Variants in CPVL observed in about 807,000 individuals in gnomAD.
CPVL encodes probable serine carboxypeptidase CPVL.
A neutral mutation model predicts 63.7 loss-of-function variants in CPVL; 51 were observed. The ratio of observed to expected loss-of-function variants is 0.80; its 90% confidence interval spans 0.64 to 1.01. The LOEUF is 1.01. Among genes scored for constraint, CPVL ranks in the 50% least tolerant of loss-of-function variants. The probability of loss-of-function intolerance (pLI) is 0.00; values close to 1 mark genes in which losing one functional copy is unlikely to be tolerated. For synonymous variants in CPVL, 195 were observed against 206.0 expected (o/e 0.95, Z 0.46); for missense variants, 530 against 573.1 (o/e 0.92, Z 0.77).
intron 5 of CPVL, among the ~76,000 whole-genome samples, chr7:29,170,453 AT>A (rs1796451752): frequency 6.6e-6 from 1 of 152,120 alleles, no homozygotes; most frequent in South Asian, 2.1e-4. Flanking sequence ...CACATGTTAG[AT>A]TTTCCCCCAT....
intron 12 of CPVL, among the ~76,000 whole-genome samples, chr7:29,029,524 C>T (rs1787814003): frequency 6.6e-6 from 1 of 152,062 alleles, no homozygotes; most frequent in Admixed American, 6.5e-5. Flanking sequence ...AACTGGAGGT[C>T]GTTATGTTAA....
At position 28,995,858 on chromosome 7, in the gene CPVL, TA is replaced by T; in HGVS notation, c.1344del (p.His448GlnfsTer9). 6.3e-7 allele frequency: 1 copy of T among 1,596,812 alleles called. No homozygotes were observed. Among genetic ancestry groups the T allele is most frequent in the Non-Finnish European group, 8.5e-7 (1 of 1,173,266 alleles). On this transcript the variant is annotated frameshift_variant, in exon 13 of 13. Coordinates refer to ENST00000265394, the MANE Select transcript of CPVL (RefSeq NM_031311.5). LOFTEE classifies it high-confidence loss of function. ...FHQVIIRGGG[H>X]ILPYDQPLRA... ...CTCAGAGGCTGGTCATAGGGTAAAA[TA>T]TGTCCTCCACCTCGAATAATTACCT...
At chr7:29,064,543 A>G (rs949243307) in intron 10 of CPVL, among the ~76,000 whole-genome samples, 1 of 152,166 alleles carries the variant, frequency 6.6e-6, no homozygotes, top group East Asian at 1.9e-4. Flanking sequence ...ACTAGAGGCA[A>G]AGAGAGAGAA....
intron 1 of CPVL, chr7:29,128,056 C>T (rs1790227758): frequency 6.7e-6 from 1 of 148,230 alleles, no homozygotes; most frequent in Non-Finnish European, 1.5e-5. Context: ...AAAAGATATT[C>T]TTTTTCTCCC....
At chr7:29,177,702 TCATC>T (rs993855741) in intron 5 of CPVL, among the ~76,000 whole-genome samples, 1 of 151,908 alleles carries the variant, frequency 6.6e-6, no homozygotes, top group African/African-American at 2.4e-5. Flanking sequence ...ATCTGTGCAG[TCATC>T]CATCCATCCA....
At chr7:29,122,148 G>A (rs1028396371) in intron 1 of CPVL, 3 of 152,088 alleles carry the variant, frequency 2.0e-5, no homozygotes, top group Non-Finnish European at 2.9e-5. Flanking sequence ...ACAGAAAAAC[G>A]ACTGAATGGT....
intron 3 of CPVL, chr7:29,096,461 C>A (rs992905146): frequency 3.7e-6 from 2 of 536,038 alleles, no homozygotes; most frequent in African/African-American, 1.9e-5. Flanking sequence ...CTTTTCCCAA[C>A]AAGAGACAGA....
At chr7:29,184,095 A>G (rs969987856) in intron 4 of CPVL, among the ~76,000 whole-genome samples, 1 of 151,858 alleles carries the variant, frequency 6.6e-6, no homozygotes, top group Non-Finnish European at 1.5e-5. Flanking sequence ...GGGGTTCTGG[A>G]TCCAATCTCC....
intron 11 of CPVL, among the ~76,000 whole-genome samples, chr7:29,057,334 T>C (rs181112946): frequency 2.3e-4 from 35 of 152,276 alleles, no homozygotes; most frequent in East Asian, 9.6e-4. Flanking sequence ...CATTTCTAAA[T>C]TGGGTTGTTC....
intron 9 of CPVL, among the ~76,000 whole-genome samples, chr7:29,067,520 TAAGA>T (rs1783254444): frequency 6.6e-6 from 1 of 151,806 alleles, no homozygotes; most frequent in Non-Finnish European, 1.5e-5. Flanking sequence ...ACAGACAAGC[TAAGA>T]GAGAGAACAG....
chr7:29,018,434 A>G (rs1488546335), intron 12 of CPVL, among the ~76,000 whole-genome samples: 1 of 138,808 alleles, frequency 7.2e-6, no homozygotes, highest in African/African-American at 2.8e-5. Flanking sequence ...TCTGGAGTGC[A>G]GTGGCGCGAT....
intron 5 of CPVL, among the ~76,000 whole-genome samples, chr7:29,176,971 A>G (rs1205708485): frequency 6.6e-6 from 1 of 152,196 alleles, no homozygotes; most frequent in African/African-American, 2.4e-5. Context: ...CCAAATAAAT[A>G]CAGAGAAAAT....
At chr7:29,001,627 G>A (rs1212605481) in intron 12 of CPVL, among the ~76,000 whole-genome samples, 2 of 152,218 alleles carry the variant, frequency 1.3e-5, no homozygotes, top group African/African-American at 4.8e-5. Context: ...AAGGCTGGGA[G>A]TTGCTTCAAC....
intron 5 of CPVL, among the ~76,000 whole-genome samples, chr7:29,179,047 C>A (rs542124296): frequency 6.6e-6 from 1 of 152,290 alleles, no homozygotes; most frequent in Non-Finnish European, 1.5e-5. Flanking sequence ...ATAGGGGACC[C>A]AGCATCTCTC....
intron 11 of CPVL, among the ~76,000 whole-genome samples, chr7:29,052,627 A>C (rs1421706308): frequency 6.6e-6 from 1 of 152,122 alleles, no homozygotes; most frequent in Non-Finnish European, 1.5e-5. Flanking sequence ...AAGAACTCTC[A>C]GGCTGGGCAC....
intron 5 of CPVL, among the ~76,000 whole-genome samples, chr7:29,165,177 T>G (rs143920683): frequency 1.5e-3 from 226 of 152,288 alleles, no homozygotes; most frequent in African/African-American, 5.2e-3. Context: ...AGTTTTTGAT[T>G]TATGGGCATG....
chr7:29,054,640 G>C (rs1230933138), intron 11 of CPVL, among the ~76,000 whole-genome samples: 1 of 152,112 alleles, frequency 6.6e-6, no homozygotes, highest in African/African-American at 2.4e-5. Context: ...CAGTACATGT[G>C]TCTGTGCATT....
At chr7:29,046,128 A>C (rs963018434) in intron 11 of CPVL, among the ~76,000 whole-genome samples, 1 of 144,438 alleles carries the variant, frequency 6.9e-6, no homozygotes, top group South Asian at 2.2e-4. Flanking sequence ...TCTGTCACCC[A>C]AGTTGGAGTG....
intron 5 of CPVL, among the ~76,000 whole-genome samples, chr7:29,165,103 T>A (rs1795734019): frequency 6.6e-6 from 1 of 152,174 alleles, no homozygotes. Context: ...GCCTGCTGAT[T>A]TTTTTATTGG....
Sources: gnomAD v4.1 joint callset for allele counts (sites outside exome capture counted in the v4.1 genomes callset) on GRCh38, gnomAD v4.1.1 for gene constraint, MANE v1.5 for transcripts, NCBI Gene and HGNC (gene_info 2026-07-23, HGNC 2026-07-21) for gene names.